LMLN: variants seen among roughly 807,000 people sequenced by gnomAD.
The protein encoded by LMLN is leishmanolysin-like peptidase.
LMLN carries 70 observed loss-of-function variants against 92.3 expected under a neutral mutation model. That is an observed-to-expected ratio of 0.76 (90% CI 0.63 to 0.92). The LOEUF (loss-of-function observed/expected upper bound fraction) is 0.92. Among genes scored for constraint, LMLN ranks in the 40% least tolerant of loss-of-function variants. The probability of loss-of-function intolerance (pLI) is 0.00; values close to 1 mark genes in which losing one functional copy is unlikely to be tolerated. For missense variants in LMLN, 691 were observed against 814.6 expected (o/e 0.85, Z 1.85); for synonymous variants, 308 against 296.2 (o/e 1.04, Z -0.41).
exon 6 of LMLN, chr3:197,980,383 C>A: frequency 6.2e-7 from 1 of 1,613,924 alleles, no homozygotes; most frequent in Non-Finnish European, 8.5e-7. Context: ...TGTGCCAGAC[C>A]AAGAAGGCAT....
intron 10 of LMLN, among the ~76,000 whole-genome samples, chr3:197,997,036 T>TTTTC (rs1282233081): frequency 2.0e-5 from 3 of 149,964 alleles, no homozygotes; most frequent in Admixed American, 1.3e-4. Context: ...TTTTCTTTTC[T>TTTTC]TTTCTTTCTT....
chr3:197,962,270 G>C (rs1246786192), intron 1 of LMLN, among the ~76,000 whole-genome samples: 2 of 152,048 alleles, frequency 1.3e-5, no homozygotes, highest in Non-Finnish European at 1.5e-5. Context: ...CATCTGCTCA[G>C]CATTATGTCT....
chr3:197,982,112 C>T lies in LMLN; in HGVS notation c.728+1608C>T, dbSNP rs1172218188. The stretch of plus-strand genomic sequence containing the variant: ...TGAGCCACTGTGCCTGGCCTCAGCT[C>T]GTGTTTTGACCGATAGATGGATGTT... On this transcript the variant is annotated intron_variant, in intron 6 of 15. Transcript: ENST00000330198. Among the ~76,000 whole-genome samples, 2 of 151,716 alleles carry T rather than the reference C, an allele frequency of 1.3e-5. 1 individual carries two copies. Among genetic ancestry groups the T allele is most frequent in the South Asian group, 4.1e-4 (2 of 4,824 alleles).
intron 11 of LMLN, among the ~76,000 whole-genome samples, chr3:198,016,596 A>G (rs1416780071): frequency 1.3e-5 from 2 of 152,230 alleles, no homozygotes; most frequent in African/African-American, 4.8e-5. Flanking sequence ...CGGTGTGTCA[A>G]AGGAAGTATG....
At chr3:197,960,524 G>A (rs755455122) in intron 1 of LMLN, 84 bp downstream of exon 1, 26 of 1,345,906 alleles carry the variant, frequency 1.9e-5, no homozygotes, top group Non-Finnish European at 2.6e-5. Flanking sequence ...ACTGGGAGAA[G>A]GTGTCCTGGA....
intron 13 of LMLN, among the ~76,000 whole-genome samples, chr3:198,024,238 C>T (rs1435355436): frequency 3.6e-5 from 5 of 136,996 alleles, no homozygotes; most frequent in East Asian, 2.1e-4. Context: ...TTTTTTGAGA[C>T]GGAGTCTCTC....
chr3:197,963,147 T>G (rs535583500), intron 1 of LMLN, among the ~76,000 whole-genome samples: 58 of 152,194 alleles, frequency 3.8e-4, no homozygotes, highest in African/African-American at 1.4e-3. Context: ...GCATAATTTT[T>G]CTCAGCAAAA....
chr3:198,013,601 A>G (rs1253975873), intron 11 of LMLN, among the ~76,000 whole-genome samples: 1 of 124,384 alleles, frequency 8.0e-6, no homozygotes, highest in Non-Finnish European at 1.6e-5. Context: ...AACTAGTCTG[A>G]CTTCTCTGTA....
chr3:197,974,287 C>T (rs1721307730), intron 1 of LMLN, 90 bp from the exon 2 acceptor site: 6 of 696,566 alleles, frequency 8.6e-6, no homozygotes, highest in Non-Finnish European at 1.5e-5. Context: ...GGGTATTACA[C>T]TTGAAATTTA....
At chr3:197,965,285 C>G (rs967337439) in intron 1 of LMLN, among the ~76,000 whole-genome samples, 5 of 152,170 alleles carry the variant, frequency 3.3e-5, no homozygotes, top group African/African-American at 1.2e-4. Context: ...TCCCAAAGTG[C>G]TGGGATTACA....
At chr3:198,018,481 G>A (rs1046035214) in intron 11 of LMLN, among the ~76,000 whole-genome samples, 1 of 152,176 alleles carries the variant, frequency 6.6e-6, no homozygotes, top group Non-Finnish European at 1.5e-5. Flanking sequence ...CAAAGCCTTT[G>A]CTTTCCTGTT....
chr3:198,003,665 G>A (rs375662293), intron 11 of LMLN, among the ~76,000 whole-genome samples: 5 of 103,412 alleles, frequency 4.8e-5, no homozygotes, highest in South Asian at 2.8e-4. Flanking sequence ...CATATCATAC[G>A]TAGTAAGTTT....
chr3:197,971,423 C>T (rs1292099170), intron 1 of LMLN, among the ~76,000 whole-genome samples: 3 of 152,198 alleles, frequency 2.0e-5, no homozygotes, highest in Non-Finnish European at 4.4e-5. Context: ...CCCCCATGAT[C>T]CAGTCACCTC....
chr3:197,979,711 G>A (rs946059453), intron 5 of LMLN, among the ~76,000 whole-genome samples: 1 of 152,108 alleles, frequency 6.6e-6, no homozygotes, highest in Admixed American at 6.6e-5. Context: ...AGCTACTTGG[G>A]GGGCTGAGGC....
chr3:197,982,248 C>T (rs1297353631), intron 6 of LMLN, among the ~76,000 whole-genome samples: 26 of 119,234 alleles, frequency 2.2e-4, no homozygotes, highest in Non-Finnish European at 2.9e-4. Context: ...TTTTTTGAGA[C>T]GGTGTCTCAC....
At chr3:198,012,155 G>A (rs1175989384) in intron 11 of LMLN, among the ~76,000 whole-genome samples, 2 of 152,092 alleles carry the variant, frequency 1.3e-5, no homozygotes, top group East Asian at 3.9e-4. Context: ...AGCCTCTGGT[G>A]CCGAGTTCAA....
chr3:198,006,502 A>C (rs1303509271), intron 11 of LMLN, among the ~76,000 whole-genome samples: 2 of 152,170 alleles, frequency 1.3e-5, no homozygotes, highest in African/African-American at 4.8e-5. Context: ...CAAACTTTTT[A>C]ATTCCTGACA....
At chr3:197,989,910 T>C (rs2109881607) in intron 8 of LMLN, among the ~76,000 whole-genome samples, 1 of 152,316 alleles carries the variant, frequency 6.6e-6, no homozygotes, top group East Asian at 1.9e-4. Context: ...GATTTCATTC[T>C]GTCACCCAGG....
intron 11 of LMLN, among the ~76,000 whole-genome samples, chr3:198,005,381 A>G (rs1272735219): frequency 6.6e-6 from 1 of 152,046 alleles, no homozygotes; most frequent in Non-Finnish European, 1.5e-5. Flanking sequence ...ACCCCCCTGG[A>G]TAACAAAATC....
Sources: allele counts gnomAD v4.1 joint callset (sites outside exome capture counted in the v4.1 genomes callset), GRCh38; gene constraint gnomAD v4.1.1; transcripts MANE v1.5; gene names NCBI Gene and HGNC (gene_info 2026-07-23, HGNC 2026-07-21).